The following PLXNA2 variants were observed in gnomAD, a reference collection of about 807,000 sequenced individuals.
PLXNA2 encodes the protein plexin-A2.
In PLXNA2, 91 loss-of-function variants were observed where a neutral mutation model predicts 193.5. The observed-to-expected ratio is 0.47, with a 90% CI of 0.40 to 0.56. The LOEUF is 0.56. Among genes scored for constraint, PLXNA2 ranks in the 20% least tolerant of loss-of-function variants. PLXNA2 has a pLI of 0.00. For missense variants in PLXNA2, 1,995 were observed against 2,503.2 expected (o/e 0.80, Z 4.33); for synonymous variants, 997 against 1,027.3 (o/e 0.97, Z 0.56).
chr1:208,185,719 G>GAAAAAAAAA (rs3991419), intron 3 of PLXNA2, among the ~76,000 whole-genome samples: 1 of 105,536 alleles, frequency 9.5e-6, no homozygotes, highest in Non-Finnish European at 1.9e-5. Flanking sequence ...AAAAAAAAAA[G>GAAAAAAAAA]GAAAAAAAAA....
intron 12 of PLXNA2, among the ~76,000 whole-genome samples, chr1:208,068,400 C>T (rs1204829103): frequency 6.6e-6 from 1 of 152,216 alleles, no homozygotes; most frequent in East Asian, 1.9e-4. Flanking sequence ...TTTGATTCCT[C>T]ATCGAATGGA....
intron 29 of PLXNA2, 147 bp downstream of exon 29, chr1:208,031,443 T>A: frequency 7.7e-7 from 1 of 1,293,984 alleles, no homozygotes; most frequent in Non-Finnish European, 1.0e-6. Flanking sequence ...GCAGAGCATA[T>A]GTGCACTGTT....
intron 3 of PLXNA2, among the ~76,000 whole-genome samples, chr1:208,151,660 C>G (rs1668767014): frequency 6.6e-6 from 1 of 152,134 alleles, no homozygotes; most frequent in African/African-American, 2.4e-5. Flanking sequence ...CTATGTCAAC[C>G]CGTGTGCAAA....
intron 3 of PLXNA2, among the ~76,000 whole-genome samples, chr1:208,179,226 A>G (rs969132194): frequency 4.6e-5 from 7 of 152,200 alleles, no homozygotes; most frequent in Non-Finnish European, 8.8e-5. Context: ...GAAGCTGGTA[A>G]ATTACAGGAT....
chr1:208,083,633 C>T (rs1173578400), intron 10 of PLXNA2, among the ~76,000 whole-genome samples: 3 of 152,162 alleles, frequency 2.0e-5, no homozygotes, highest in Non-Finnish European at 4.4e-5. Context: ...CTTCCCTCAA[C>T]ACCTTTGTCA....
chr1:208,054,281 C>G, intron 14 of PLXNA2, 140 bp downstream of exon 14: 1 of 585,178 alleles, frequency 1.7e-6, no homozygotes, highest in East Asian at 2.7e-5. Flanking sequence ...CAGAAGTTGC[C>G]TTATCTGGAG....
rs1006897744 is a variant in PLXNA2, at chr1:208,236,548, AC to A, written c.-81+7094del. Among the ~76,000 whole-genome samples the A allele has an allele frequency of 2.6e-5, 4 of 151,936 alleles. No homozygotes were observed. The highest frequency in any genetic ancestry group is 9.7e-5 in the African/African-American group (4 of 41,354). ...ACTGCCTGGCCGGCTGCTCCCTCTA[AC>A]CCCTGCTCAAAGGTAAAAAGACCTG... is the stretch of plus-strand genomic sequence containing the variant. On this transcript the variant is annotated intron_variant, in intron 1 of 31. Transcript: ENST00000367033. This position sits in a 1 kb window ranked among gnomAD's most constrained non-coding sequence, Gnocchi z 4.4.
In PLXNA2 at chr1:208,028,620, C is replaced by T. The variant is rs1370034311; in HGVS notation, c.5438+210G>A. Among the ~76,000 whole-genome samples the T allele has an allele frequency of 6.6e-6, 1 of 152,192 alleles. No individual in the cohort carries two copies. Among genetic ancestry groups the T allele is most frequent in the Non-Finnish European group, 1.5e-5 (1 of 68,046 alleles). On this transcript the variant is annotated intron_variant, in intron 30 of 31. Transcript: ENST00000367033. The surrounding 1 kb of genome is among the most constrained non-coding windows in gnomAD (Gnocchi z 4.2). ...GAATGCTGAATGCTTAGCACATGCT[C>T]AATGAATAGTAATTAGGATGATAAT...
intron 18 of PLXNA2, 51 bp from the exon 19 acceptor site, chr1:208,045,261 G>A: frequency 6.4e-7 from 1 of 1,571,638 alleles, no homozygotes; most frequent in African/African-American, 1.3e-5. Context: ...GCACGCACAA[G>A]TTAATTGCCT....
intron 1 of PLXNA2, among the ~76,000 whole-genome samples, chr1:208,240,792 T>A (rs945563457): frequency 2.7e-5 from 4 of 150,628 alleles, no homozygotes; most frequent in African/African-American, 7.3e-5. Context: ...GGCTAGGCGC[T>A]CCTTGCCTCT....
At chr1:208,158,373 G>A (rs1360408494) in intron 3 of PLXNA2, among the ~76,000 whole-genome samples, 1 of 151,936 alleles carries the variant, frequency 6.6e-6, no homozygotes, top group African/African-American at 2.4e-5. Context: ...CCCTGTGTCT[G>A]TCTCCTCTCT....
chr1:208,162,039 C>G (rs1427616130), intron 3 of PLXNA2, among the ~76,000 whole-genome samples: 1 of 152,204 alleles, frequency 6.6e-6, no homozygotes. Context: ...CTTCTTCGCC[C>G]TGGAGTCTCC....
intron 4 of PLXNA2, among the ~76,000 whole-genome samples, chr1:208,117,992 G>C (rs1558201139): frequency 6.6e-6 from 1 of 152,200 alleles, no homozygotes; most frequent in Non-Finnish European, 1.5e-5. Flanking sequence ...CCACCTGCCT[G>C]AGATCCAGGC....
chr1:208,159,436 A>G (rs1240988644), intron 3 of PLXNA2, among the ~76,000 whole-genome samples: 2 of 152,228 alleles, frequency 1.3e-5, no homozygotes, highest in Non-Finnish European at 2.9e-5. Context: ...AGCCTATGCT[A>G]AAGTACCAGG....
At chr1:208,053,140 G>T (rs1454752133) in intron 14 of PLXNA2, among the ~76,000 whole-genome samples, 1 of 152,258 alleles carries the variant, frequency 6.6e-6, no homozygotes, top group Non-Finnish European at 1.5e-5. Flanking sequence ...GAAAAGAATT[G>T]CTTCTGCCTG....
chr1:208,201,981 T>G (rs1670566557), intron 3 of PLXNA2, among the ~76,000 whole-genome samples: 1 of 152,008 alleles, frequency 6.6e-6, no homozygotes, highest in African/African-American at 2.4e-5. Flanking sequence ...GAATTTTTTT[T>G]TTTTTTTTTC....
chr1:208,190,501 G>A (rs1225535032), intron 3 of PLXNA2, among the ~76,000 whole-genome samples: 5 of 152,186 alleles, frequency 3.3e-5, no homozygotes, highest in African/African-American at 9.7e-5. Flanking sequence ...CATGGTTGAC[G>A]CTCCAGAAAT....
chr1:208,130,769 C>G (rs1422421661), intron 4 of PLXNA2, among the ~76,000 whole-genome samples: 2 of 152,192 alleles, frequency 1.3e-5, no homozygotes, highest in Non-Finnish European at 2.9e-5. Context: ...AACTCCCTGG[C>G]AGTTCAAAGT....
intron 5 of PLXNA2, 55 bp from the exon 6 acceptor site, chr1:208,099,024 C>T (rs1667008712): frequency 6.3e-7 from 1 of 1,597,456 alleles, no homozygotes; most frequent in African/African-American, 1.3e-5. Context: ...ATCTGTTTGG[C>T]TCCATTGTCC....
Sources: allele counts gnomAD v4.1 joint callset (sites outside exome capture counted in the v4.1 genomes callset), GRCh38; gene constraint gnomAD v4.1.1; non-coding constraint Gnocchi (gnomAD v3.1); transcripts MANE v1.5; gene names NCBI Gene and HGNC (gene_info 2026-07-23, HGNC 2026-07-21).